The following NRXN3 variants were observed in gnomAD, a reference collection of about 807,000 sequenced individuals.
NRXN3 encodes the protein neurexin III.
A neutral mutation model predicts 137.6 loss-of-function variants in NRXN3; 32 were observed. That is an observed-to-expected ratio of 0.23 (90% CI 0.18 to 0.31). The LOEUF (loss-of-function observed/expected upper bound fraction) is 0.31, where lower values mean the gene tolerates loss of function less well. Ranked by LOEUF, NRXN3 falls within the 10% of genes least tolerant of loss-of-function variation. The pLI, the probability that NRXN3 is intolerant of heterozygous loss-of-function variation, is 1.00. For synonymous variants in NRXN3, 798 were observed against 784.5 expected (o/e 1.02, Z -0.29); for missense variants, 1,574 against 2,062.5 (o/e 0.76, Z 4.59).
intron 16 of NRXN3, among the ~76,000 whole-genome samples, chr14:79,544,548 A>C (rs559361913): frequency 6.6e-6 from 1 of 152,324 alleles, no homozygotes; most frequent in East Asian, 1.9e-4. Context: ...AGGTAAAACC[A>C]ATAAGAGGTT....
rs2099427502 is a variant in NRXN3 at position 78,968,168 on chromosome 14, T to TC, written c.2969-3dup. 2 of 1,573,182 alleles carry TC rather than the reference T, an allele frequency of 1.3e-6. No homozygotes were observed. The highest frequency in any genetic ancestry group is 1.7e-5 in the Admixed American group (1 of 58,336). On this transcript the variant is annotated splice_region_variant and splice_polypyrimidine_tract_variant and intron_variant, in intron 13 of 20. Coordinates refer to ENST00000335750, the MANE Select transcript of NRXN3 (RefSeq NM_001330195.2). ...TTCTCTTTTGCTAATTACTTTCCTT[T>TC]CCAGGTGATCTCTATATGGCTGGTC...
At chr14:78,931,721 A>G (rs1371971632) in intron 10 of NRXN3, among the ~76,000 whole-genome samples, 5 of 152,164 alleles carry the variant, frequency 3.3e-5, no homozygotes, top group Non-Finnish European at 7.3e-5. Flanking sequence ...AAATATCCCA[A>G]AAGATCTGGG....
At chr14:78,757,234 C>A (rs1383285588) in intron 8 of NRXN3, among the ~76,000 whole-genome samples, 1 of 151,948 alleles carries the variant, frequency 6.6e-6, no homozygotes, top group Non-Finnish European at 1.5e-5. Flanking sequence ...ATGGTTAAAC[C>A]CCATCTCTAC....
intron 8 of NRXN3, among the ~76,000 whole-genome samples, chr14:78,780,578 A>G (rs1595797891): frequency 6.6e-6 from 1 of 152,208 alleles, no homozygotes; most frequent in East Asian, 1.9e-4. Flanking sequence ...TCTAAATTGT[A>G]TAATGACCCC....
At chr14:79,152,220 AT>A (rs1290525751) in intron 15 of NRXN3, among the ~76,000 whole-genome samples, 1 of 152,070 alleles carries the variant, frequency 6.6e-6, no homozygotes, top group Non-Finnish European at 1.5e-5. Context: ...ATGCTTTTGC[AT>A]TTTATCTGCA....
At chr14:79,499,042 C>T (rs1317891950) in intron 16 of NRXN3, among the ~76,000 whole-genome samples, 1 of 152,146 alleles carries the variant, frequency 6.6e-6, no homozygotes, top group Admixed American at 6.5e-5. Context: ...ACTCTCACTC[C>T]CTGCCAATCT....
intron 15 of NRXN3, among the ~76,000 whole-genome samples, chr14:79,012,773 A>G (rs1251686254): frequency 6.6e-6 from 1 of 152,096 alleles, no homozygotes; most frequent in Non-Finnish European, 1.5e-5. Flanking sequence ...GGAGCTTTCC[A>G]TGCGACCGAG....
intron 10 of NRXN3, among the ~76,000 whole-genome samples, chr14:78,939,091 C>T (rs1199449194): frequency 6.6e-6 from 1 of 151,716 alleles, no homozygotes; most frequent in African/African-American, 2.4e-5. Context: ...GTGATCCGCC[C>T]GCCTCGGCCT....
chr14:79,369,662 A>G (rs539630928), intron 15 of NRXN3, among the ~76,000 whole-genome samples: 1 of 152,242 alleles, frequency 6.6e-6, no homozygotes, highest in South Asian at 2.1e-4. Flanking sequence ...TCATGGACAG[A>G]TGTTACCCCT....
At chr14:78,572,128 A>T (rs943856605) in intron 4 of NRXN3, among the ~76,000 whole-genome samples, 13 of 152,166 alleles carry the variant, frequency 8.5e-5, no homozygotes, top group Non-Finnish European at 4.4e-5. Context: ...TAAAACATGA[A>T]CAGAGTTGGG....
intron 8 of NRXN3, among the ~76,000 whole-genome samples, chr14:78,740,533 T>C (rs896765463): frequency 7.1e-5 from 8 of 112,242 alleles, no homozygotes; most frequent in Non-Finnish European, 1.6e-4. Context: ...TTTTTTCTTC[T>C]CTTTTCTTTT....
chr14:78,921,877 T>C (rs539038354), intron 10 of NRXN3, among the ~76,000 whole-genome samples: 2 of 152,352 alleles, frequency 1.3e-5, no homozygotes, highest in South Asian at 4.1e-4. Context: ...AGATTTGTAG[T>C]ATGAGTTTCT....
chr14:79,524,822 G>T (rs2097103326), intron 16 of NRXN3, among the ~76,000 whole-genome samples: 1 of 152,118 alleles, frequency 6.6e-6, no homozygotes, highest in Non-Finnish European at 1.5e-5. Flanking sequence ...TTATGCTTAG[G>T]TTCAACCAAG....
Position 78,458,732 on chromosome 14 carries a change from G to A in NRXN3, c.757+160872G>A, listed in dbSNP as rs529661775. Among the ~76,000 whole-genome samples the A allele has an allele frequency of 9.7e-4, 148 of 152,276 alleles. 1 individual carries two copies. The highest frequency in any genetic ancestry group is 3.4e-3 in the African/African-American group (143 of 41,548). On this transcript the variant is annotated intron_variant, in intron 4 of 20. Transcript: ENST00000335750. Reference sequence around the variant, plus strand: ...GAACTGTAGCTATTAACTTAGAGAGGCTTCCCTTGCAAACAGGGATTAATA... The same window carrying A: ...GAACTGTAGCTATTAACTTAGAGAGACTTCCCTTGCAAACAGGGATTAATA...
chr14:79,472,849 T>A (rs1465560918), intron 16 of NRXN3, among the ~76,000 whole-genome samples: 1 of 152,174 alleles, frequency 6.6e-6, no homozygotes, highest in African/African-American at 2.4e-5. Context: ...GTTATTACTA[T>A]CATGAAACTC....
At chr14:79,341,593 G>C (rs561771820) in intron 15 of NRXN3, among the ~76,000 whole-genome samples, 22 of 152,254 alleles carry the variant, frequency 1.4e-4, no homozygotes, top group Middle Eastern at 6.9e-3. Context: ...CTTTCAGAGA[G>C]GGAACTTAAA....
At chr14:79,856,796 A>G (rs1378213280) in intron 20 of NRXN3, among the ~76,000 whole-genome samples, 1 of 152,086 alleles carries the variant, frequency 6.6e-6, no homozygotes, top group Non-Finnish European at 1.5e-5. Flanking sequence ...ACACTCATAA[A>G]GCAAAAAAGC....
chr14:79,458,312 A>C (rs2153599318), intron 15 of NRXN3, among the ~76,000 whole-genome samples: 1 of 152,312 alleles, frequency 6.6e-6, no homozygotes, highest in East Asian at 1.9e-4. Flanking sequence ...TTCTTTTATA[A>C]ATTGAAAGTT....
intron 10 of NRXN3, among the ~76,000 whole-genome samples, chr14:78,865,478 T>A (rs1430431171): frequency 1.3e-5 from 2 of 152,186 alleles, no homozygotes; most frequent in Non-Finnish European, 2.9e-5. Flanking sequence ...TGGCTATGCA[T>A]ACTGAAATGA....
Sources: gnomAD v4.1 joint callset for allele counts (sites outside exome capture counted in the v4.1 genomes callset) on GRCh38, gnomAD v4.1.1 for gene constraint, MANE v1.5 for transcripts, NCBI Gene and HGNC (gene_info 2026-07-23, HGNC 2026-07-21) for gene names.